The following MYO1D variants were observed in gnomAD, a reference collection of about 807,000 sequenced individuals.
MYO1D encodes myosin ID, also known as unconventional myosin-Id.
A neutral mutation model predicts 122.0 loss-of-function variants in MYO1D; 83 were observed. The ratio of observed to expected loss-of-function variants is 0.68; its 90% CI spans 0.57 to 0.82. MYO1D has a LOEUF of 0.82. MYO1D is among the 40% of genes least tolerant of loss of function. The pLI, the probability that MYO1D is intolerant of heterozygous loss-of-function variation, is 0.00. For synonymous variants in MYO1D, 464 were observed against 446.9 expected (o/e 1.04, Z -0.48); for missense variants, 1,157 against 1,269.5 (o/e 0.91, Z 1.35).
chr17:32,653,607 CAA>C (rs35172819), intron 19 of MYO1D, among the ~76,000 whole-genome samples: 56,811 of 99,452 alleles, frequency 0.57, 13,446 homozygotes, highest in Middle Eastern at 0.68. Flanking sequence ...ACTCCGTCTC[CAA>C]AAAAAAAAAA....
At chr17:32,802,417 A>C (rs1461045121) in intron 1 of MYO1D, among the ~76,000 whole-genome samples, 1 of 152,198 alleles carries the variant, frequency 6.6e-6, no homozygotes, top group Admixed American at 6.5e-5. Context: ...TAAAGAAAAA[A>C]ATTTTTTTCT....
chr17:32,574,688 G>A (rs2087262494), intron 21 of MYO1D, among the ~76,000 whole-genome samples: 1 of 152,178 alleles, frequency 6.6e-6, no homozygotes, highest in South Asian at 2.1e-4. Context: ...TTCTGAGTGT[G>A]GGCTCACTAT....
At chr17:32,830,731 T>C (rs1179185265) in intron 1 of MYO1D, among the ~76,000 whole-genome samples, 1 of 152,198 alleles carries the variant, frequency 6.6e-6, no homozygotes, top group Non-Finnish European at 1.5e-5. Context: ...TTTTTCCTAA[T>C]ACTCATTTTC....
At chr17:32,547,024 C>T (rs2150881826) in intron 21 of MYO1D, among the ~76,000 whole-genome samples, 1 of 152,046 alleles carries the variant, frequency 6.6e-6, no homozygotes, top group Non-Finnish European at 1.5e-5. Context: ...ATCCTCCTTC[C>T]TCAGCCTTCT....
At chr17:32,730,953 CG>C (rs1301399672) in intron 14 of MYO1D, among the ~76,000 whole-genome samples, 1 of 141,632 alleles carries the variant, frequency 7.1e-6, no homozygotes, top group Non-Finnish European at 1.5e-5. Flanking sequence ...GTCGCCCAGG[CG>C]GGAGTGCAGT....
chr17:32,694,247 G>C (rs963325099), intron 16 of MYO1D, among the ~76,000 whole-genome samples: 1 of 151,932 alleles, frequency 6.6e-6, no homozygotes, highest in East Asian at 1.9e-4. Context: ...TTTCCTCGCC[G>C]GAGGAGTTTG....
rs1021846692 is a variant in MYO1D at position 32,778,401 on chromosome 17, C to A, written c.398+79G>T. On this transcript the variant is annotated intron_variant, in intron 3 of 21. Transcript: ENST00000318217. ...GGTTTAGACCCCCAAAATGCTCAAC[C>A]CCTAGAGTTTAGGTCTAGCCAAGTC... 4.8e-5 allele frequency: 67 copies of A among 1,396,062 alleles called. 1 individual carries two copies. In the South Asian group the frequency reaches 7.9e-4, roughly 16 times the overall value. The allele number at this position is 1,396,062 out of a possible 1,614,324, so 86.5% of individuals were successfully genotyped here.
intron 21 of MYO1D, among the ~76,000 whole-genome samples, chr17:32,591,911 A>G (rs1055220499): frequency 2.0e-5 from 3 of 152,134 alleles, no homozygotes; most frequent in Non-Finnish European, 2.9e-5. Flanking sequence ...TCTAATGCCG[A>G]TGGAGCCCAC....
intron 21 of MYO1D, 82 bp from the exon 22 acceptor site, chr17:32,494,997 T>A: frequency 6.9e-7 from 1 of 1,441,940 alleles, no homozygotes; most frequent in South Asian, 1.4e-5. Context: ...CCGGCCACCA[T>A]TGGCTCCGGC....
At chr17:32,864,982 T>C (rs1307813876) in intron 1 of MYO1D, among the ~76,000 whole-genome samples, 2 of 152,196 alleles carry the variant, frequency 1.3e-5, no homozygotes, top group Non-Finnish European at 2.9e-5. Context: ...ATTCTAGACA[T>C]TTTTTGAATT....
intron 1 of MYO1D, among the ~76,000 whole-genome samples, chr17:32,840,426 G>C (rs1598146131): frequency 1.3e-5 from 2 of 152,094 alleles, no homozygotes; most frequent in African/African-American, 4.8e-5. Context: ...TCAGATTACA[G>C]GTGTGTCCGC....
intron 20 of MYO1D, among the ~76,000 whole-genome samples, chr17:32,610,569 G>A (rs909045064): frequency 6.6e-6 from 1 of 151,962 alleles, no homozygotes; most frequent in Non-Finnish European, 1.5e-5. Context: ...AATTTATTGG[G>A]GCATCTGTCT....
At chr17:32,525,908 TCAGCTATTTGTCTC>T (rs1291435478) in intron 21 of MYO1D, among the ~76,000 whole-genome samples, 2 of 152,170 alleles carry the variant, frequency 1.3e-5, no homozygotes, top group East Asian at 3.8e-4. Context: ...GCTAGGTCAT[TCAGCTATTTGTCTC>T]CTAGTTCACC....
intron 14 of MYO1D, 152 bp from the exon 15 acceptor site, chr17:32,721,341 T>G (rs2302839): frequency 0.45 from 325,562 of 718,970 alleles, 77,750 homozygotes; most frequent in East Asian, 0.71. Flanking sequence ...TTATTCTTCC[T>G]TTCTCCTTCA....
At chr17:32,685,903 C>G (rs796964303) in intron 16 of MYO1D, among the ~76,000 whole-genome samples, 1 of 152,230 alleles carries the variant, frequency 6.6e-6, no homozygotes, top group African/African-American at 2.4e-5. Context: ...CTGCTTTGGC[C>G]AATGCGATAT....
At chr17:32,699,531 C>T (rs1034487511) in intron 16 of MYO1D, among the ~76,000 whole-genome samples, 1 of 152,096 alleles carries the variant, frequency 6.6e-6, no homozygotes, top group Admixed American at 6.6e-5. Context: ...AGATAGTTTC[C>T]AGTCAACTGG....
intron 14 of MYO1D, among the ~76,000 whole-genome samples, chr17:32,728,003 T>C (rs956471536): frequency 1.3e-5 from 2 of 152,174 alleles, no homozygotes; most frequent in African/African-American, 2.4e-5. Context: ...ATAACAGTTC[T>C]AACTTGAATG....
At chr17:32,648,212 AAAAAAACAAAAC>A (rs1452818827) in intron 19 of MYO1D, among the ~76,000 whole-genome samples, 1 of 151,746 alleles carries the variant, frequency 6.6e-6, no homozygotes, top group Non-Finnish European at 1.5e-5. Flanking sequence ...AGACTGCCTC[AAAAAAACAAAAC>A]AAAAAACAAA....
chr17:32,494,845 C>A lies in MYO1D; in HGVS notation c.2935G>T (p.Val979Phe). Residue 979 changes from valine (V) to phenylalanine (F), a missense_variant, in exon 22 of 22, where the codon GTC (valine) becomes TTC (phenylalanine). Transcript: ENST00000318217. ...TGGTTGAGCCGCGTCTCCACGGAGA[C>A]GGTGCACTTCTTCCCGTGCAGGCTG... Reference protein sequence around the residue: ...QCSLHGKKCTVSVETRLNQPQ... With the variant: ...QCSLHGKKCTFSVETRLNQPQ... The A allele has an allele frequency of 6.2e-7, 1 of 1,613,982 alleles. No homozygotes were observed. The highest frequency in any genetic ancestry group is 1.3e-5 in the African/African-American group (1 of 75,042).
Sources: gnomAD v4.1 joint callset for allele counts (sites outside exome capture counted in the v4.1 genomes callset) on GRCh38, gnomAD v4.1.1 for gene constraint, MANE v1.5 for transcripts, NCBI Gene and HGNC (gene_info 2026-07-23, HGNC 2026-07-21) for gene names.